The following ATP2C2 variants were observed in gnomAD, a reference collection of about 807,000 sequenced individuals.
ATP2C2 encodes ATPase secretory pathway Ca2+ transporting 2.
ATP2C2 carries 171 observed loss-of-function variants against 110.8 expected under a neutral mutation model. The ratio of observed to expected loss-of-function variants is 1.54; its 90% CI spans 1.36 to 1.75. The LOEUF (loss-of-function observed/expected upper bound fraction) is 1.75. ATP2C2 is among the 40% of genes most tolerant of loss of function. The probability of loss-of-function intolerance (pLI) is 0.00; values close to 1 mark genes in which losing one functional copy is unlikely to be tolerated. For synonymous variants in ATP2C2, 804 were observed against 508.4 expected (o/e 1.58, Z -7.82); for missense variants, 1,963 against 1,235.0 (o/e 1.59, Z -8.84).
intron 6 of ATP2C2, 126 bp downstream of exon 6, chr16:84,410,891 G>A (rs1441183657): frequency 1.3e-5 from 12 of 927,676 alleles, no homozygotes; most frequent in East Asian, 2.6e-5. Flanking sequence ...ATCTCACTGG[G>A]AGTTCTAAGG....
intron 20 of ATP2C2, among the ~76,000 whole-genome samples, chr16:84,454,283 A>AT (rs1322409453): frequency 3.3e-5 from 5 of 152,014 alleles, no homozygotes; most frequent in African/African-American, 1.2e-4. Flanking sequence ...AGCTGATGTG[A>AT]TTTTTCTGAC....
At chr16:84,425,080 C>T (rs1213467608) in intron 10 of ATP2C2, among the ~76,000 whole-genome samples, 1 of 152,150 alleles carries the variant, frequency 6.6e-6, no homozygotes, top group Non-Finnish European at 1.5e-5. Context: ...CTGCCCCCCT[C>T]AATACATACA....
chr16:84,442,164 T>C (rs1221458847), intron 14 of ATP2C2, among the ~76,000 whole-genome samples: 3 of 152,084 alleles, frequency 2.0e-5, no homozygotes, highest in Non-Finnish European at 4.4e-5. Flanking sequence ...GTGGTTTCAA[T>C]TTGTTCACAA....
chr16:84,440,364 C>G (rs545356765), intron 13 of ATP2C2, among the ~76,000 whole-genome samples: 1 of 152,208 alleles, frequency 6.6e-6, no homozygotes. Flanking sequence ...ACTGGCCAAA[C>G]CAAGGGGTGA....
intron 18 of ATP2C2, among the ~76,000 whole-genome samples, chr16:84,452,372 T>G (rs944847776): frequency 3.9e-5 from 6 of 152,194 alleles, no homozygotes; most frequent in Non-Finnish European, 8.8e-5. Context: ...ACAGGCAGCA[T>G]CATGGCCATG....
Position 84,368,577 on chromosome 16 carries a change from G to C in ATP2C2, c.-39G>C. ...CGCGCAGCCATCCCGGGCCTCGCCGGGGACCTAGGGACGCAGGCAACGCCT... is the reference window on the plus strand; with the variant it reads ...CGCGCAGCCATCCCGGGCCTCGCCGCGGACCTAGGGACGCAGGCAACGCCT... On this transcript the variant is annotated 5_prime_UTR_variant, in exon 1 of 27. Transcript: ENST00000262429. 4.7e-6 allele frequency: 7 copies of C among 1,481,046 alleles called. No homozygotes were observed. The highest frequency in any genetic ancestry group is 6.4e-6 in the Non-Finnish European group (7 of 1,093,320). 91.7% of individuals were successfully genotyped at this position (1,481,046 alleles called of 1,614,324 possible).
intron 13 of ATP2C2, among the ~76,000 whole-genome samples, chr16:84,440,212 A>T (rs1367410727): frequency 6.6e-6 from 1 of 152,230 alleles, no homozygotes; most frequent in African/African-American, 2.4e-5. Context: ...GGCTCACTGC[A>T]GCCTCTAACT....
intron 7 of ATP2C2, among the ~76,000 whole-genome samples, chr16:84,417,426 C>G (rs896853586): frequency 1.3e-5 from 2 of 152,186 alleles, no homozygotes; most frequent in African/African-American, 2.4e-5. Context: ...AAGCTATGAC[C>G]CATGCTGTGC....
At position 84,461,794 on chromosome 16, in the gene ATP2C2, C is replaced by G; in HGVS notation, c.2562C>G (p.Ala854=). 3 of 1,614,176 alleles carry G rather than the reference C, an allele frequency of 1.9e-6. No homozygotes were observed. Among genetic ancestry groups the G allele is most frequent in the Non-Finnish European group, 2.5e-6 (3 of 1,179,986 alleles). Residue 854 remains alanine, a synonymous_variant, in exon 25 of 27, where the codon GCC becomes GCG. Transcript: ENST00000262429. ...TCFVFFDLFN[A]LTCRSQTKLI... ...TTGTGTTTTTCGATCTCTTCAACGC[C>G]TTGACCTGCCGCTCTCAGGTGAGAC...
chr16:84,384,983 A>G (rs1410679375), intron 1 of ATP2C2, among the ~76,000 whole-genome samples: 1 of 152,206 alleles, frequency 6.6e-6, no homozygotes, highest in Non-Finnish European at 1.5e-5. Context: ...CAGGAGGCGG[A>G]GGTTGCAGTG....
At chr16:84,392,152 A>C (rs890392586) in intron 1 of ATP2C2, among the ~76,000 whole-genome samples, 1 of 152,120 alleles carries the variant, frequency 6.6e-6, no homozygotes, top group East Asian at 1.9e-4. Context: ...AGTGCCAATG[A>C]GGGGAGCCAA....
At chr16:84,449,714 G>A (rs866140559) in intron 17 of ATP2C2, among the ~76,000 whole-genome samples, 6 of 152,370 alleles carry the variant, frequency 3.9e-5, no homozygotes, top group South Asian at 2.1e-4. Flanking sequence ...CTCCTGCACA[G>A]TGGAGAGATT....
chr16:84,395,462 CTT>C (rs34793112), intron 1 of ATP2C2, among the ~76,000 whole-genome samples: 2 of 142,704 alleles, frequency 1.4e-5, no homozygotes, highest in Non-Finnish European at 1.5e-5. Flanking sequence ...TGCCTTTGAT[CTT>C]TTTTTTTTTT....
rs555909978 is a variant in ATP2C2, at chr16:84,461,585, A to T, written c.2482-129A>T. The stretch of plus-strand genomic sequence containing the variant: ...CCTCACACCTGGAGGAAGCTGTGTG[A>T]CCGATTCATGAGCTTGTAAGTGGCT... On this transcript the variant is annotated intron_variant, in intron 24 of 26. Transcript: ENST00000262429. 4.2e-5 allele frequency: 34 copies of T among 809,194 alleles called. No homozygotes were observed. In the South Asian group the frequency reaches 5.0e-4, roughly 12 times the overall value. 50.1% of individuals were successfully genotyped at this position (809,194 alleles called of 1,614,324 possible).
At chr16:84,438,685 T>C (rs1377199280) in intron 11 of ATP2C2, among the ~76,000 whole-genome samples, 1 of 152,176 alleles carries the variant, frequency 6.6e-6, no homozygotes, top group Non-Finnish European at 1.5e-5. Context: ...TCACCTGCCC[T>C]GACCTGGACT....
chr16:84,463,468 G>A (rs1169693577), intron 26 of ATP2C2, 146 bp from the exon 27 acceptor site: 3 of 683,672 alleles, frequency 4.4e-6, no homozygotes, highest in Non-Finnish European at 7.7e-6. Context: ...TCTGGGTTAG[G>A]AAGATCTCCC....
rs926449990 is a variant in ATP2C2, at chr16:84,463,733, T to C, written c.*1T>C. ...CCAGATGCACCCTGAAGATGTGTAG[T>C]GGACCGCACTCCGCGGCACCTTCCC... On this transcript the variant is annotated 3_prime_UTR_variant, in exon 27 of 27. Coordinates refer to ENST00000262429, the MANE Select transcript of ATP2C2 (RefSeq NM_014861.4). 4.4e-6 allele frequency: 7 copies of C among 1,606,750 alleles called. No individual in the cohort carries two copies. The highest frequency in any genetic ancestry group is 5.1e-6 in the Non-Finnish European group (6 of 1,173,358).
intron 24 of ATP2C2, 131 bp downstream of exon 24, chr16:84,460,932 A>G (rs972072552): frequency 7.6e-7 from 1 of 1,310,044 alleles, no homozygotes; most frequent in Non-Finnish European, 1.0e-6. Context: ...GGACAATGTG[A>G]TGCCATCAGA....
chr16:84,449,855 TAGTA>T (rs1386903774), intron 17 of ATP2C2, among the ~76,000 whole-genome samples: 2 of 152,204 alleles, frequency 1.3e-5, no homozygotes, highest in African/African-American at 2.4e-5. Flanking sequence ...GTGGACACGT[TAGTA>T]AGTAAACATC....
Sources: gnomAD v4.1 joint callset for allele counts (sites outside exome capture counted in the v4.1 genomes callset) on GRCh38, gnomAD v4.1.1 for gene constraint, MANE v1.5 for transcripts, NCBI Gene and HGNC (gene_info 2026-07-23, HGNC 2026-07-21) for gene names.